The following SIPA1L1 variants were observed in gnomAD, a reference collection of about 807,000 sequenced individuals.
SIPA1L1 encodes signal induced proliferation associated 1 like 1.
A neutral mutation model predicts 162.7 loss-of-function variants in SIPA1L1; 26 were observed. The ratio of observed to expected loss-of-function variants is 0.16; its 90% confidence interval spans 0.12 to 0.22. The LOEUF is 0.22. Among genes scored for constraint, SIPA1L1 ranks in the 10% least tolerant of loss-of-function variants. SIPA1L1 has a pLI of 1.00. For synonymous variants in SIPA1L1, 829 were observed against 837.4 expected (o/e 0.99, Z 0.17); for missense variants, 1,874 against 2,241.0 (o/e 0.84, Z 3.31).
chr14:71,471,792 T>C (rs891325424), intron 2 of SIPA1L1, among the ~76,000 whole-genome samples: 1 of 152,158 alleles, frequency 6.6e-6, no homozygotes, highest in Admixed American at 6.5e-5. Flanking sequence ...GGGAGAGATG[T>C]TATCTAGAGT....
At chr14:71,544,190 T>C (rs929180075) in intron 4 of SIPA1L1, among the ~76,000 whole-genome samples, 13 of 150,888 alleles carry the variant, frequency 8.6e-5, no homozygotes, top group Admixed American at 4.6e-4. Flanking sequence ...TGTGTATATA[T>C]ACATATGCAT....
At chr14:71,452,533 C>G (rs1402576040) in intron 2 of SIPA1L1, among the ~76,000 whole-genome samples, 1 of 152,114 alleles carries the variant, frequency 6.6e-6, no homozygotes, top group Non-Finnish European at 1.5e-5. Context: ...TTCTGTTAGG[C>G]ATCTATACCT....
intron 12 of SIPA1L1, among the ~76,000 whole-genome samples, chr14:71,680,740 AG>A (rs1227476859): frequency 3.9e-5 from 6 of 152,186 alleles, no homozygotes; most frequent in Admixed American, 2.0e-4. Flanking sequence ...AAAATGATAA[AG>A]GGGATATCAC....
rs372720315 is a variant in SIPA1L1, at chr14:71,709,419, G to A, written c.3963G>A (p.Ser1321=). The A allele has an allele frequency of 1.4e-5, 22 of 1,613,916 alleles. No individual in the cohort carries two copies. The highest frequency in any genetic ancestry group is 3.3e-5 in the South Asian group (3 of 91,090). The part of the protein sequence containing the change: ...SYGPSHGSTA[S]LGAATSSPRS... ...GCCCCAGCCACGGCAGCACAGCCTC[G>A]CTGGGGGCTGCCACATCGTCACCTC... The change falls in exon 17 of 24, where the codon TCG becomes TCA. Residue 1321 remains serine (S), a synonymous_variant. Coordinates refer to ENST00000381232, the MANE Select transcript of SIPA1L1 (RefSeq NM_001386936.1).
chr14:71,573,339 A>G, intron 4 of SIPA1L1: 2 of 324,582 alleles, frequency 6.2e-6, no homozygotes, highest in East Asian at 1.6e-4. Context: ...TGTGGTTGAC[A>G]TTTATGATTA....
At chr14:71,655,989 T>C (rs1383867547) in intron 8 of SIPA1L1, among the ~76,000 whole-genome samples, 1 of 152,230 alleles carries the variant, frequency 6.6e-6, no homozygotes, top group Non-Finnish European at 1.5e-5. Context: ...TAAAGTTTAA[T>C]ACCTCTATGA....
rs766603433 is a variant in SIPA1L1, at chr14:71,588,285, C to T, written c.413C>T (p.Thr138Met). 23 of 1,613,858 alleles carry T rather than the reference C, an allele frequency of 1.4e-5. No individual in the cohort carries two copies. Among genetic ancestry groups the T allele is most frequent in the Middle Eastern group, 1.6e-4 (1 of 6,084 alleles). Residue 138 changes from threonine (T) to methionine (M), a missense_variant, in exon 5 of 24, where the codon ACG (threonine) becomes ATG (methionine). Thr to Met is a moderately conservative substitution (Grantham distance 81). This residue lies in a region of SIPA1L1 where 685 missense variants were observed against 828.0 expected (regional missense o/e 0.83). Transcript: ENST00000381232. The surrounding 1 kb of genome is among the most constrained non-coding windows in gnomAD (Gnocchi z 4.3). ...DSAMLKSIQN[T>M]LKNKTRPSEN... is the part of the protein sequence containing the mutation. ...GCCATGCTGAAAAGCATACAGAACA[C>T]GCTGAAAAACAAGACAAGACCGTCG...
intron 2 of SIPA1L1, among the ~76,000 whole-genome samples, chr14:71,331,691 T>G (rs558412620): frequency 6.6e-6 from 1 of 152,326 alleles, no homozygotes; most frequent in African/African-American, 2.4e-5. Flanking sequence ...GAACTGTCAC[T>G]TGTGGTAATT....
intron 2 of SIPA1L1, 88 bp downstream of exon 2, chr14:71,321,269 G>A (rs1485072035): frequency 6.6e-6 from 1 of 152,246 alleles, no homozygotes; most frequent in Non-Finnish European, 1.5e-5. Flanking sequence ...CGGGGTTGGG[G>A]TCCAGGGCCC....
chr14:71,517,640 C>G (rs543252563), intron 3 of SIPA1L1, among the ~76,000 whole-genome samples: 60 of 152,270 alleles, frequency 3.9e-4, no homozygotes, highest in African/African-American at 1.4e-3. Flanking sequence ...ACATTCCCAC[C>G]AGAGCATCTG....
intron 2 of SIPA1L1, among the ~76,000 whole-genome samples, chr14:71,504,248 C>A (rs2050475297): frequency 6.6e-6 from 1 of 152,098 alleles, no homozygotes; most frequent in Non-Finnish European, 1.5e-5. Context: ...TGTGCTGTAA[C>A]ATGACCGTTA....
chr14:71,712,419 T>C (rs1468558388), intron 17 of SIPA1L1, among the ~76,000 whole-genome samples: 1 of 152,194 alleles, frequency 6.6e-6, no homozygotes, highest in Non-Finnish European at 1.5e-5. Flanking sequence ...TATTGCTCCC[T>C]AGAATATATG....
chr14:71,734,543 C>T (rs1487524838), intron 21 of SIPA1L1, among the ~76,000 whole-genome samples: 2 of 151,792 alleles, frequency 1.3e-5, no homozygotes, highest in Admixed American at 6.6e-5. Flanking sequence ...TGTTGTTGCT[C>T]TTAATTAGGA....
At chr14:71,647,190 G>A (rs1596623932) in intron 7 of SIPA1L1, among the ~76,000 whole-genome samples, 1 of 152,008 alleles carries the variant, frequency 6.6e-6, no homozygotes, top group East Asian at 1.9e-4. Context: ...CAAACCAGAG[G>A]AAACTTGACA....
chr14:71,730,423 C>A, intron 20 of SIPA1L1, 122 bp downstream of exon 20: 1 of 1,114,442 alleles, frequency 9.0e-7, no homozygotes, highest in East Asian at 2.4e-5. Flanking sequence ...GGTCTCAGCT[C>A]ACCCGCCCCT....
chr14:71,611,566 C>G (rs1405962974), intron 5 of SIPA1L1, among the ~76,000 whole-genome samples: 2 of 146,490 alleles, frequency 1.4e-5, no homozygotes, highest in Middle Eastern at 3.4e-3. Context: ...TGACCCCCAC[C>G]CCCTGACAGG....
At chr14:71,358,547 CG>C (rs2037497684) in intron 2 of SIPA1L1, among the ~76,000 whole-genome samples, 1 of 152,332 alleles carries the variant, frequency 6.6e-6, no homozygotes, top group African/African-American at 2.4e-5. Flanking sequence ...ACCCTGACCC[CG>C]TCCTGTTTAA....
chr14:71,627,131 C>CTTTTTTTTTTTTTT (rs71105788), intron 7 of SIPA1L1, among the ~76,000 whole-genome samples: 3 of 48,788 alleles, frequency 6.1e-5, no homozygotes, highest in African/African-American at 1.6e-4. Context: ...ACTTTCACTA[C>CTTTTTTTTTTTTTT]TTTTTTTTTT....
chr14:71,419,417 TG>T (rs1482122918), intron 2 of SIPA1L1, among the ~76,000 whole-genome samples: 2 of 150,952 alleles, frequency 1.3e-5, no homozygotes, highest in Non-Finnish European at 2.9e-5. Flanking sequence ...TGAAAGCTTT[TG>T]GGCCAGGGGT....
Sources: gnomAD v4.1 joint callset for allele counts (sites outside exome capture counted in the v4.1 genomes callset) on GRCh38, gnomAD v4.1.1 for gene constraint, gnomAD v4.1.1 regional missense constraint, Gnocchi (gnomAD v3.1) non-coding constraint, MANE v1.5 for transcripts, NCBI Gene and HGNC (gene_info 2026-07-23, HGNC 2026-07-21) for gene names.